The following UGT2B17 variants were observed in gnomAD, a reference collection of about 807,000 sequenced individuals.
The protein encoded by UGT2B17 is UDP glucuronosyltransferase family 2 member B17, also known as UDP-glucuronosyltransferase 2B17.
In UGT2B17, 21 loss-of-function variants were observed where a neutral mutation model predicts 48.2. The ratio of observed to expected loss-of-function variants is 0.44; its 90% CI spans 0.31 to 0.63. UGT2B17 has a LOEUF of 0.63. Ranked by LOEUF, UGT2B17 falls within the 20% of genes least tolerant of loss-of-function variation. UGT2B17 has a pLI of 0.08. For missense variants in UGT2B17, 402 were observed against 696.1 expected (o/e 0.58, Z 4.75); for synonymous variants, 146 against 238.4 (o/e 0.61, Z 3.57).
rs548957489 is a variant in UGT2B17, at chr4:68,576,172, G to C, written c.-286C>G. ...TTAAGCCACCTAAGGGGCTGCCTCAGCCTTCCGTCAGTCACCTTGCTTCTG... is the reference window on the plus strand; with the variant it reads ...TTAAGCCACCTAAGGGGCTGCCTCACCCTTCCGTCAGTCACCTTGCTTCTG... On this transcript the variant is annotated 5_prime_UTR_variant, in exon 1 of 7. Transcript: ENST00000317746. Among the ~76,000 whole-genome samples the C allele has an allele frequency of 8.8e-5, 11 of 125,368 alleles. 1 individual carries two copies. Among genetic ancestry groups the C allele is most frequent in the Non-Finnish European group, 1.3e-4 (8 of 59,306 alleles). The allele number at this position is 125,368 out of a possible 152,430, so 82.2% of individuals were successfully genotyped here.
rs1333272659 is a variant in UGT2B17, at chr4:68,562,832, C to A, written c.874-2164G>T. ...AGAAAATTTTTTCTCATTGTATATG[C>A]CTTTTTATCCTACAAAAAAATTGTG... On this transcript the variant is annotated intron_variant, in intron 3 of 6. Transcript: ENST00000317746. Among the ~76,000 whole-genome samples, 2 of 125,996 alleles carry A rather than the reference C, an allele frequency of 1.6e-5. 1 individual carries two copies. The highest frequency in any genetic ancestry group is 3.4e-5 in the Non-Finnish European group (2 of 59,534). The allele number at this position is 125,996 out of a possible 152,430, so 82.7% of individuals were successfully genotyped here. A position where few individuals can be genotyped will look rare whatever the true frequency, so the allele number is the denominator to read the frequency against.
chr4:68,552,832 T>A (rs1456823474), intron 4 of UGT2B17, among the ~76,000 whole-genome samples: 1 of 125,708 alleles, frequency 8.0e-6, no homozygotes, highest in African/African-American at 2.7e-5. Context: ...CAACTCCTTT[T>A]TTTTTGTTTT....
At position 68,565,472 on chromosome 4, in the gene UGT2B17, C is replaced by T. The variant is rs564073335; in HGVS notation, c.873+100G>A. ...ATGGCAAGTCCTTTTTTTTGACCTCCCATATTCCCCTCACTCTGAGTTAAA... is the reference window on the plus strand; with the variant it reads ...ATGGCAAGTCCTTTTTTTTGACCTCTCATATTCCCCTCACTCTGAGTTAAA... On this transcript the variant is annotated intron_variant, in intron 3 of 6. Transcript: ENST00000317746. The T allele has an allele frequency of 3.8e-6, 4 of 1,052,346 alleles. 1 individual carries two copies. Among genetic ancestry groups the T allele is most frequent in the Admixed American group, 3.2e-5 (1 of 31,718 alleles). The allele number at this position is 1,052,346 out of a possible 1,614,324, so 65.2% of individuals were successfully genotyped here. A position where few individuals can be genotyped will look rare whatever the true frequency, so the allele number is the denominator to read the frequency against.
At chr4:68,545,738 G>A (rs1730789912) in intron 6 of UGT2B17, among the ~76,000 whole-genome samples, 1 of 124,392 alleles carries the variant, frequency 8.0e-6, no homozygotes, top group African/African-American at 2.7e-5. Context: ...ATGATTAAGG[G>A]GGTATCACCA....
rs1731146197 is a variant in UGT2B17 at position 68,563,846 on chromosome 4, A to G, written c.873+1726T>C. Among the ~76,000 whole-genome samples the G allele has an allele frequency of 1.6e-5, 2 of 126,336 alleles. 1 individual carries two copies. Among genetic ancestry groups the G allele is most frequent in the South Asian group, 7.3e-4 (2 of 2,752 alleles). The allele number at this position is 126,336 out of a possible 152,430, so 82.9% of individuals were successfully genotyped here. On this transcript the variant is annotated intron_variant, in intron 3 of 6. Coordinates refer to ENST00000317746, the MANE Select transcript of UGT2B17 (RefSeq NM_001077.4). ...TTATATTTAAACAAGCACACAGAGT[A>G]TCTGTTCTCTAGGATTTTGCTAGGA...
chr4:68,561,828 G>A (rs1731108918), intron 3 of UGT2B17, among the ~76,000 whole-genome samples: 3 of 116,572 alleles, frequency 2.6e-5, no homozygotes, highest in African/African-American at 5.9e-5. Context: ...AAGAGGAAAA[G>A]AAATGTAGAC....
chr4:68,564,936 G>A lies in UGT2B17; in HGVS notation c.873+636C>T, dbSNP rs1409903362. Reference sequence around the variant, plus strand: ...TTGCCCAGGCTGGTCTCAAACTCCTGAGCCCAAGCAATCGTCCCTTCTCTG... The same window carrying A: ...TTGCCCAGGCTGGTCTCAAACTCCTAAGCCCAAGCAATCGTCCCTTCTCTG... On this transcript the variant is annotated intron_variant, in intron 3 of 6. Coordinates refer to ENST00000317746, the MANE Select transcript of UGT2B17 (RefSeq NM_001077.4). Among the ~76,000 whole-genome samples, 3 of 125,118 alleles carry A rather than the reference G, an allele frequency of 2.4e-5. 1 individual carries two copies. Among genetic ancestry groups the A allele is most frequent in the Admixed American group, 8.2e-5 (1 of 12,162 alleles). The allele number at this position is 125,118 out of a possible 152,430, so 82.1% of individuals were successfully genotyped here.
Position 68,556,595 on chromosome 4 carries a change from CCT to C in UGT2B17, c.1005+3940_1005+3941del, listed in dbSNP as rs1300068935. On this transcript the variant is annotated intron_variant, in intron 4 of 6. Coordinates refer to ENST00000317746, the MANE Select transcript of UGT2B17 (RefSeq NM_001077.4). ...CTAATGCAAGACCAACATATGGGCC[CCT>C]GTGTCAGATTAACAAGGTTTTCTTG... Among the ~76,000 whole-genome samples, 2 of 125,274 alleles carry C rather than the reference CCT, an allele frequency of 1.6e-5. 1 individual carries two copies. Among genetic ancestry groups the C allele is most frequent in the Non-Finnish European group, 3.4e-5 (2 of 59,018 alleles). 82.2% of individuals were successfully genotyped at this position (125,274 alleles called of 152,430 possible).
intron 1 of UGT2B17, among the ~76,000 whole-genome samples, chr4:68,571,507 T>A (rs115843054): frequency 0.016 from 2,013 of 127,070 alleles, 425 homozygotes; most frequent in African/African-American, 0.052. Flanking sequence ...ACCATGTGAC[T>A]GTTTTTGTGG....
In UGT2B17 at chr4:68,551,681, G is replaced by T. The variant is rs544653393; in HGVS notation, c.1093+143C>A. 36 of 576,450 alleles carry T rather than the reference G, an allele frequency of 6.2e-5. 6 individuals carry two copies. Among genetic ancestry groups the T allele is most frequent in the Non-Finnish European group, 8.7e-5 (35 of 402,178 alleles). The allele number at this position is 576,450 out of a possible 1,614,324, so 35.7% of individuals were successfully genotyped here. On this transcript the variant is annotated intron_variant, in intron 5 of 6. Coordinates refer to ENST00000317746, the MANE Select transcript of UGT2B17 (RefSeq NM_001077.4). ...GTGTATTCTTCTTATACTAAGACTA[G>T]AAAATAAATATAAAGTAGTTAAATT... is the stretch of plus-strand genomic sequence containing the variant.
At chr4:68,570,486 T>C (rs1731281927) in intron 1 of UGT2B17, among the ~76,000 whole-genome samples, 1 of 126,944 alleles carries the variant, frequency 7.9e-6, no homozygotes, top group Non-Finnish European at 1.7e-5. Flanking sequence ...TTCTTTGTTG[T>C]TTTTTCTTAA....
intron 3 of UGT2B17, among the ~76,000 whole-genome samples, chr4:68,564,515 C>T (rs772797394): frequency 8.2e-6 from 1 of 122,272 alleles, no homozygotes; most frequent in Admixed American, 8.5e-5. Flanking sequence ...TCTCAAACTC[C>T]TGACCTCAGG....
chr4:68,547,858 A>C (rs539439316), intron 6 of UGT2B17, among the ~76,000 whole-genome samples: 1 of 126,836 alleles, frequency 7.9e-6, no homozygotes, highest in African/African-American at 2.7e-5. Flanking sequence ...GAGAAATGCA[A>C]ATCAAAACCA....
chr4:68,541,398 G>A (rs1372475427), intron 6 of UGT2B17, among the ~76,000 whole-genome samples: 2 of 126,928 alleles, frequency 1.6e-5, no homozygotes, highest in African/African-American at 5.4e-5. Context: ...CTAATGATCA[G>A]TGATATTGAG....
intron 6 of UGT2B17, among the ~76,000 whole-genome samples, chr4:68,542,875 G>A (rs879931003): frequency 2.4e-5 from 3 of 127,064 alleles, no homozygotes; most frequent in Non-Finnish European, 3.3e-5. Flanking sequence ...GAACTGCAAG[G>A]CAGCAGTGAG....
At chr4:68,562,595 T>C (rs1731124618) in intron 3 of UGT2B17, among the ~76,000 whole-genome samples, 1 of 126,218 alleles carries the variant, frequency 7.9e-6, no homozygotes, top group African/African-American at 2.7e-5. Flanking sequence ...AAAAATCGTC[T>C]GTTTATAGAC....
Position 68,567,774 on chromosome 4 carries a change from A to G in UGT2B17, c.711T>C (p.Tyr237=). 7.4e-7 allele frequency: 1 copy of G among 1,345,636 alleles called. No individual in the cohort carries two copies. The highest frequency in any genetic ancestry group is 9.6e-7 in the Non-Finnish European group (1 of 1,041,894). The allele number at this position is 1,345,636 out of a possible 1,614,324, so 83.4% of individuals were successfully genotyped here. ...AYDLKKWDQF[Y]SEVLGRPTTL... is the part of the protein sequence containing the mutation. ...CACACGACTTACCTAGAACTTCACT[A>G]TAAAACTGGTCCCACTTCTTCAGAT... Residue 237 remains tyrosine (Y), a synonymous_variant, in exon 2 of 7, where the codon TAT becomes TAC. Transcript: ENST00000317746.
chr4:68,562,593 T>C lies in UGT2B17; in HGVS notation c.874-1925A>G, dbSNP rs1440384971. Among the ~76,000 whole-genome samples the C allele has an allele frequency of 1.6e-5, 2 of 126,114 alleles. 1 individual carries two copies. The highest frequency in any genetic ancestry group is 3.4e-5 in the Non-Finnish European group (2 of 59,660). The allele number at this position is 126,114 out of a possible 152,430, so 82.7% of individuals were successfully genotyped here. A position where few individuals can be genotyped will look rare whatever the true frequency, so the allele number is the denominator to read the frequency against. On this transcript the variant is annotated intron_variant, in intron 3 of 6. Transcript: ENST00000317746. ...CACCAAGTATTGAAGTAAAAAATCG[T>C]CTGTTTATAGACAGATCAGCACTGA...
At chr4:68,547,984 T>C (rs1446867813) in intron 6 of UGT2B17, among the ~76,000 whole-genome samples, 2 of 126,590 alleles carry the variant, frequency 1.6e-5, no homozygotes, top group Non-Finnish European at 3.4e-5. Context: ...GGTGGGACTG[T>C]AAACTAGTTC....
Sources: gnomAD v4.1 joint callset for allele counts (sites outside exome capture counted in the v4.1 genomes callset) on GRCh38, gnomAD v4.1.1 for gene constraint, MANE v1.5 for transcripts, NCBI Gene and HGNC (gene_info 2026-07-23, HGNC 2026-07-21) for gene names.